CFAP61: variants seen among roughly 807,000 people sequenced by gnomAD.
CFAP61 encodes the protein cilia- and flagella-associated protein 61.
CFAP61 carries 107 observed loss-of-function variants against 135.6 expected under a neutral mutation model. The ratio of observed to expected loss-of-function variants is 0.79; its 90% CI spans 0.67 to 0.93. The LOEUF (loss-of-function observed/expected upper bound fraction) is 0.93. Ranked by LOEUF, CFAP61 falls within the 40% of genes least tolerant of loss-of-function variation. The pLI is 0.00. For missense variants in CFAP61, 1,507 were observed against 1,556.2 expected, an observed-to-expected ratio of 0.97 and a Z score of 0.53; for synonymous variants, 575 against 578.5, an observed-to-expected ratio of 0.99 and a Z score of 0.09.
chr20:20,072,105 T>G (rs2045754689), intron 3 of CFAP61, among the ~76,000 whole-genome samples: 1 of 52,794 alleles, frequency 1.9e-5, no homozygotes, highest in African/African-American at 1.0e-4. Context: ...TTTTTTTTTT[T>G]TTTTTTTTTT....
At chr20:20,081,083 TGA>T (rs1045429674) in intron 6 of CFAP61, among the ~76,000 whole-genome samples, 1 of 152,156 alleles carries the variant, frequency 6.6e-6, no homozygotes, top group Admixed American at 6.5e-5. Context: ...TCTAAATCTG[TGA>T]GAGTTTGAGT....
chr20:20,300,246 A>C (rs2055977704), intron 25 of CFAP61, among the ~76,000 whole-genome samples: 1 of 152,224 alleles, frequency 6.6e-6, no homozygotes, highest in Non-Finnish European at 1.5e-5. Context: ...TTACTATACT[A>C]TACATTTTAT....
At chr20:20,330,312 A>G (rs1411088616) in intron 25 of CFAP61, among the ~76,000 whole-genome samples, 1 of 152,114 alleles carries the variant, frequency 6.6e-6, no homozygotes, top group Non-Finnish European at 1.5e-5. Flanking sequence ...CAGGAGGTAC[A>G]TCTCAATTCA....
chr20:20,233,913 T>G (rs2049363790), intron 18 of CFAP61, among the ~76,000 whole-genome samples: 1 of 152,080 alleles, frequency 6.6e-6, no homozygotes, highest in South Asian at 2.1e-4. Context: ...TGTGGGTGCT[T>G]TGTGATTCTT....
chr20:20,129,828 T>G (rs982765413), intron 8 of CFAP61, among the ~76,000 whole-genome samples: 1 of 151,564 alleles, frequency 6.6e-6, no homozygotes, highest in Non-Finnish European at 1.5e-5. Context: ...CTTGATCCAT[T>G]CTGCTCTTGA....
chr20:20,105,053 G>T (rs973545049), intron 8 of CFAP61, among the ~76,000 whole-genome samples: 1 of 152,244 alleles, frequency 6.6e-6, no homozygotes, highest in Middle Eastern at 3.4e-3. Flanking sequence ...CCCAGGAGAG[G>T]CTCTATGGTA....
At chr20:20,178,004 T>C (rs1244173956) in intron 13 of CFAP61, among the ~76,000 whole-genome samples, 1 of 152,186 alleles carries the variant, frequency 6.6e-6, no homozygotes, top group Non-Finnish European at 1.5e-5. Flanking sequence ...TTAAGTTTGG[T>C]TACTTTAAAT....
At position 20,262,808 on chromosome 20, in the gene CFAP61, T is replaced by G. The variant is rs1297699033; in HGVS notation, c.2329-148T>G. 2.6e-5 allele frequency: 11 copies of G among 421,662 alleles called. No homozygotes were observed. In the South Asian group the frequency reaches 3.6e-4, roughly 14 times the overall value. The allele number at this position is 421,662 out of a possible 1,614,324, so 26.1% of individuals were successfully genotyped here. On this transcript the variant is annotated intron_variant, in intron 20 of 26. Transcript: ENST00000245957. The stretch of plus-strand genomic sequence containing the variant: ...GCTCTTTCCACCTGTTTTTGTGTTT[T>G]TTTTTTTTTTCAATTAAAATCTGAT...
intron 1 of CFAP61, among the ~76,000 whole-genome samples, chr20:20,056,337 A>T (rs1017067534): frequency 6.6e-6 from 1 of 152,198 alleles, no homozygotes; most frequent in Admixed American, 6.5e-5. Context: ...ATTCCTTTCA[A>T]TGTTTTTCCA....
intron 17 of CFAP61, among the ~76,000 whole-genome samples, chr20:20,211,592 C>T (rs1300714234): frequency 1.3e-5 from 2 of 152,194 alleles, no homozygotes; most frequent in African/African-American, 4.8e-5. Context: ...AGATATCAAA[C>T]ATGACTCAGC....
intron 25 of CFAP61, among the ~76,000 whole-genome samples, chr20:20,332,124 T>C (rs1279566047): frequency 6.6e-6 from 1 of 152,158 alleles, no homozygotes; most frequent in East Asian, 1.9e-4. Flanking sequence ...GTAGATGGAC[T>C]AAAAGGGAAG....
Position 20,313,768 on chromosome 20 carries a change from C to T in CFAP61, c.3422+15382C>T, listed in dbSNP as rs563962192. On this transcript the variant is annotated intron_variant, in intron 25 of 26. Coordinates refer to ENST00000245957, the MANE Select transcript of CFAP61 (RefSeq NM_015585.4). ...TTGTAAAGACGAGGTTTATTGAGCT[C>T]ACAGTTCTGCAAGCTGGGGAGTTCA... Among the ~76,000 whole-genome samples, 3 of 152,268 alleles carry T rather than the reference C, an allele frequency of 2.0e-5. No homozygotes were observed. In the South Asian group the frequency reaches 6.2e-4, roughly 32 times the overall value.
At chr20:20,166,173 G>C (rs2053813420) in intron 11 of CFAP61, among the ~76,000 whole-genome samples, 1 of 152,210 alleles carries the variant, frequency 6.6e-6, no homozygotes, top group Non-Finnish European at 1.5e-5. Flanking sequence ...AATGCACAGA[G>C]ATTGTTAATT....
At chr20:20,337,392 G>A (rs201455125) in intron 25 of CFAP61, among the ~76,000 whole-genome samples, 622 of 56,130 alleles carry the variant, frequency 0.011, no homozygotes, top group African/African-American at 0.024. Context: ...ATGGATGGAT[G>A]GATGGATAGA....
At chr20:20,357,796 C>A (rs77804008) in intron 26 of CFAP61, among the ~76,000 whole-genome samples, 8 of 188 alleles carry the variant, frequency 0.043, no homozygotes, top group Non-Finnish European at 0.047. Flanking sequence ...TCACAGTGTG[C>A]GGGGAGGTGG....
chr20:20,129,184 G>A lies in CFAP61; in HGVS notation c.860-13673G>A, dbSNP rs774885625. ...TTATACCTTCAGATGTCTTCTTTTT[G>A]TACAAATCATTGGTTTCATTTTCTT... On this transcript the variant is annotated intron_variant, in intron 8 of 26. Coordinates refer to ENST00000245957, the MANE Select transcript of CFAP61 (RefSeq NM_015585.4). 2.6e-5 allele frequency among the ~76,000 whole-genome samples: 4 copies of A among 151,684 alleles called. No homozygotes were observed. In the East Asian group the frequency reaches 7.7e-4, roughly 29 times the overall value.
At chr20:20,172,253 G>C (rs2054277164) in intron 13 of CFAP61, 1 of 984,368 alleles carries the variant, frequency 1.0e-6, no homozygotes, top group Admixed American at 6.1e-5. Flanking sequence ...GGAATTGTAG[G>C]TGAAGATGGT....
intron 22 of CFAP61, among the ~76,000 whole-genome samples, chr20:20,283,953 G>T (rs2054383721): frequency 6.6e-6 from 1 of 152,166 alleles, no homozygotes; most frequent in African/African-American, 2.4e-5. Flanking sequence ...AGTCACATGT[G>T]CCATATAACA....
At chr20:20,342,736 G>C (rs1274673455) in intron 26 of CFAP61, among the ~76,000 whole-genome samples, 1 of 152,228 alleles carries the variant, frequency 6.6e-6, no homozygotes, top group Non-Finnish European at 1.5e-5. Flanking sequence ...CCTGTTCCCA[G>C]TGCGTGCCCC....
Sources: allele counts gnomAD v4.1 joint callset (sites outside exome capture counted in the v4.1 genomes callset), GRCh38; gene constraint gnomAD v4.1.1; transcripts MANE v1.5; gene names NCBI Gene and HGNC (gene_info 2026-07-23, HGNC 2026-07-21).